Variants in NFIC observed in about 807,000 individuals in gnomAD.
NFIC encodes nuclear factor I C, also known as nuclear factor 1 C-type.
A neutral mutation model predicts 54.4 loss-of-function variants in NFIC; 12 were observed. The ratio of observed to expected loss-of-function variants is 0.22; its 90% CI spans 0.14 to 0.36. The LOEUF (loss-of-function observed/expected upper bound fraction) is 0.36. Among genes scored for constraint, NFIC ranks in the 10% least tolerant of loss-of-function variants. The pLI is 1.00. For synonymous variants in NFIC, 322 were observed against 319.2 expected (o/e 1.01, Z -0.09); for missense variants, 575 against 718.2 (o/e 0.80, Z 2.28).
intron 6 of NFIC, among the ~76,000 whole-genome samples, chr19:3,441,294 G>A (rs1028097980): frequency 1.3e-5 from 2 of 152,232 alleles, no homozygotes; most frequent in Non-Finnish European, 2.9e-5. Context: ...CGTTCCCAGC[G>A]GCCCCACTCA....
chr19:3,403,980 C>T (rs2081598858), intron 2 of NFIC, among the ~76,000 whole-genome samples: 1 of 152,118 alleles, frequency 6.6e-6, no homozygotes. Flanking sequence ...CAGCCAGTGG[C>T]ACATGTGGCT....
chr19:3,372,542 G>A (rs551277933), intron 1 of NFIC, among the ~76,000 whole-genome samples: 6 of 152,338 alleles, frequency 3.9e-5, no homozygotes, highest in African/African-American at 1.4e-4. Context: ...TCGGGGACGG[G>A]CAGGAAACGA....
intron 3 of NFIC, among the ~76,000 whole-genome samples, chr19:3,428,216 G>C (rs958034570): frequency 6.6e-6 from 1 of 151,434 alleles, no homozygotes; most frequent in Non-Finnish European, 1.5e-5. Flanking sequence ...GAAGGGGCCA[G>C]GGCGCAGTGG....
At chr19:3,454,057 C>T in intron 9 of NFIC, 141 bp downstream of exon 9, 1 of 1,380,510 alleles carries the variant, frequency 7.2e-7, no homozygotes, top group Non-Finnish European at 9.3e-7. Flanking sequence ...GAAAACAGCC[C>T]AGTGGCCACG....
intron 1 of NFIC, among the ~76,000 whole-genome samples, chr19:3,372,450 G>C (rs1175902103): frequency 6.6e-6 from 1 of 152,208 alleles, no homozygotes; most frequent in African/African-American, 2.4e-5. Context: ...CAGAAGATGG[G>C]AGCATTGCTT....
chr19:3,464,278 C>CG lies in NFIC; in HGVS notation c.*1515dup. 3 of 985,338 alleles carry CG rather than the reference C, an allele frequency of 3.0e-6. No individual in the cohort carries two copies. Among genetic ancestry groups the CG allele is most frequent in the African/African-American group, 1.7e-5 (1 of 57,328 alleles). The allele number at this position is 985,338 out of a possible 1,614,324, so 61.0% of individuals were successfully genotyped here. A position where few individuals can be genotyped will look rare whatever the true frequency, so the allele number is the denominator to read the frequency against. On this transcript the variant is annotated 3_prime_UTR_variant, in exon 11 of 11. Coordinates refer to ENST00000443272, the MANE Select transcript of NFIC (RefSeq NM_001245002.2). ...CCCCGCTCGGAACGGGGAGGGTTTTCGGGGGGTTCGGCGTCGCACCTTGGG... is the reference window on the plus strand; with the variant it reads ...CCCCGCTCGGAACGGGGAGGGTTTTCGGGGGGGTTCGGCGTCGCACCTTGGG...
intron 10 of NFIC, among the ~76,000 whole-genome samples, chr19:3,460,682 T>G (rs1248264858): frequency 1.3e-5 from 2 of 151,964 alleles, no homozygotes; most frequent in African/African-American, 4.8e-5. Context: ...CCTGGCTAAT[T>G]TTTGTATTTT....
rs751158950 is a variant in NFIC, at chr19:3,366,635, G to T, written c.-2G>T. ...GGCCCTGCGCCTCCCGCCGCGCCCG[G>T]GATGTATTCGTCCCCGCTCTGCCTC... On this transcript the variant is annotated 5_prime_UTR_variant, in exon 1 of 11. Transcript: ENST00000443272. 4.0e-6 allele frequency: 6 copies of T among 1,498,964 alleles called. No individual in the cohort carries two copies. In the African/African-American group the frequency reaches 5.9e-5, roughly 15 times the overall value. The allele number at this position is 1,498,964 out of a possible 1,614,324, so 92.9% of individuals were successfully genotyped here.
In NFIC at chr19:3,452,945, G is replaced by T. The variant is rs1461362467; in HGVS notation, c.1269+279G>T. Among the ~76,000 whole-genome samples the T allele has an allele frequency of 2.0e-5, 3 of 152,230 alleles. No homozygotes were observed. Among genetic ancestry groups the T allele is most frequent in the African/African-American group, 7.2e-5 (3 of 41,456 alleles). On this transcript the variant is annotated intron_variant, in intron 8 of 10. Transcript: ENST00000443272. This position sits in a 1 kb window ranked among gnomAD's most constrained non-coding sequence, Gnocchi z 5.3. ...TGAGTCGTACTCATGTTAACACAAG[G>T]CAGGGAGGGACTGGGCATAGCGGCT...
intron 7 of NFIC, among the ~76,000 whole-genome samples, chr19:3,451,278 G>C (rs938231919): frequency 7.2e-5 from 11 of 152,158 alleles, no homozygotes; most frequent in African/African-American, 2.7e-4. Context: ...GGGGATGTAT[G>C]GGTGCTGGGG....
In NFIC at chr19:3,463,603, CTA is replaced by C. The variant is rs2082673402; in HGVS notation, c.*836_*837del. 5 of 985,056 alleles carry C rather than the reference CTA, an allele frequency of 5.1e-6. No individual in the cohort carries two copies. Among genetic ancestry groups the C allele is most frequent in the South Asian group, 4.7e-5 (1 of 21,284 alleles). The allele number at this position is 985,056 out of a possible 1,614,324, so 61.0% of individuals were successfully genotyped here. ...CCCGCCCGTTTGGGAGGAGAAGTCT[CTA>C]TGCAATTGGCCCCGGCCCCTCCACC... On this transcript the variant is annotated 3_prime_UTR_variant, in exon 11 of 11. Transcript: ENST00000443272.
chr19:3,380,151 A>T (rs562244474), intron 1 of NFIC, among the ~76,000 whole-genome samples: 1 of 143,940 alleles, frequency 6.9e-6, no homozygotes, highest in Non-Finnish European at 1.5e-5. Context: ...CAGGCGCCCG[A>T]CACCACGCCC....
At chr19:3,366,043 C>G (rs1168167276), upstream of NFIC, among the ~76,000 whole-genome samples, 1 of 152,002 alleles carries the variant, frequency 6.6e-6, no homozygotes, top group East Asian at 1.9e-4. Flanking sequence ...CCTTCCCTCC[C>G]CCCTGGCTCT....
At chr19:3,434,518 C>T in intron 5 of NFIC, 118 bp downstream of exon 5, 3 of 1,396,828 alleles carry the variant, frequency 2.1e-6, no homozygotes, top group Non-Finnish European at 2.9e-6. Context: ...ATTCACCTGG[C>T]CTGAGAAACT....
chr19:3,415,570 G>A (rs760610516), intron 2 of NFIC, among the ~76,000 whole-genome samples: 1 of 152,104 alleles, frequency 6.6e-6, no homozygotes, highest in African/African-American at 2.4e-5. Context: ...CACAGCAAGA[G>A]GGGCAGCAGA....
chr19:3,406,337 G>A (rs78443328), intron 2 of NFIC, among the ~76,000 whole-genome samples: 14 of 123,548 alleles, frequency 1.1e-4, no homozygotes, highest in Admixed American at 1.0e-3. Flanking sequence ...CAAGTGATCC[G>A]CCTGCCTTGG....
In NFIC at chr19:3,464,123, C is replaced by G. The variant is rs1173393053; in HGVS notation, c.*1354C>G. 5 of 985,370 alleles carry G rather than the reference C, an allele frequency of 5.1e-6. No homozygotes were observed. The East Asian group carries it at 5.7e-4, about 112-fold the overall frequency. The allele number at this position is 985,370 out of a possible 1,614,324, so 61.0% of individuals were successfully genotyped here. ...TGCCTTACATTCTGGAGCGACCCCC[C>G]TCCCTGGTGCCTCCCAGCGAAGGGG... On this transcript the variant is annotated 3_prime_UTR_variant, in exon 11 of 11. Transcript: ENST00000443272.
At chr19:3,428,202 G>C (rs1480473615) in intron 3 of NFIC, among the ~76,000 whole-genome samples, 1 of 150,082 alleles carries the variant, frequency 6.7e-6, no homozygotes, top group Non-Finnish European at 1.5e-5. Context: ...AAAAGAAAAA[G>C]AAGGAAGGGG....
chr19:3,398,660 CG>C (rs1276921012), intron 2 of NFIC, among the ~76,000 whole-genome samples: 1 of 152,120 alleles, frequency 6.6e-6, no homozygotes, highest in Non-Finnish European at 1.5e-5. Flanking sequence ...GTGACAGCTC[CG>C]GGTGGCTACG....
Sources: allele counts gnomAD v4.1 joint callset (sites outside exome capture counted in the v4.1 genomes callset), GRCh38; gene constraint gnomAD v4.1.1; non-coding constraint Gnocchi (gnomAD v3.1); transcripts MANE v1.5; gene names NCBI Gene and HGNC (gene_info 2026-07-23, HGNC 2026-07-21).